Variants in STYX observed in about 807,000 individuals in gnomAD.
STYX encodes serine/threonine/tyrosine-interacting protein.
STYX carries 20 observed loss-of-function variants against 42.7 expected under a neutral mutation model. That is an observed-to-expected ratio of 0.47 (90% confidence interval 0.33 to 0.68). STYX has a LOEUF of 0.68. Ranked by LOEUF, STYX falls within the 30% of genes least tolerant of loss-of-function variation. The probability of loss-of-function intolerance (pLI) is 0.02; values close to 1 mark genes in which losing one functional copy is unlikely to be tolerated. For missense variants in STYX, 226 were observed against 268.5 expected (o/e 0.84, Z 1.11); for synonymous variants, 78 against 81.9 (o/e 0.95, Z 0.26).
At chr14:52,752,883 T>TG (rs1365970851) in intron 4 of STYX, among the ~76,000 whole-genome samples, 11 of 45,306 alleles carry the variant, frequency 2.4e-4, no homozygotes, top group African/African-American at 7.3e-4. Context: ...GTTGTTGTTG[T>TG]TTTTTTTTTT....
intron 9 of STYX, among the ~76,000 whole-genome samples, chr14:52,765,985 G>A (rs541325060): frequency 1.7e-4 from 26 of 152,138 alleles, no homozygotes; most frequent in Non-Finnish European, 2.6e-4. Context: ...CTTTATCAAG[G>A]TGTATCCTGG....
intron 4 of STYX, among the ~76,000 whole-genome samples, chr14:52,754,284 T>C (rs117598850): frequency 0.032 from 4,926 of 152,130 alleles, 118 homozygotes; most frequent in Non-Finnish European, 0.05. Context: ...ATGATTTCTG[T>C]TCATTGTAGC....
chr14:52,766,910 A>G (rs577889675), intron 9 of STYX, among the ~76,000 whole-genome samples: 76 of 150,702 alleles, frequency 5.0e-4, no homozygotes, highest in Non-Finnish European at 8.7e-4. Flanking sequence ...TTGTTTCATT[A>G]AATATTTATT....
At chr14:52,742,455 T>C (rs1389345824) in intron 1 of STYX, among the ~76,000 whole-genome samples, 1 of 152,034 alleles carries the variant, frequency 6.6e-6, no homozygotes, top group Non-Finnish European at 1.5e-5. Flanking sequence ...TGTACAGTGG[T>C]TTTACAAAAC....
chr14:52,771,954 C>T lies in STYX; in HGVS notation c.*848C>T, dbSNP rs1241767169. Reference sequence around the variant, plus strand: ...ATTTGTTCTTTTCAGAGTTGTCCAGCCCTTTTTTCCTTTGTCCAAAATGAT... The same window carrying T: ...ATTTGTTCTTTTCAGAGTTGTCCAGTCCTTTTTTCCTTTGTCCAAAATGAT... On this transcript the variant is annotated 3_prime_UTR_variant, in exon 11 of 11. Coordinates refer to ENST00000354586, the MANE Select transcript of STYX (RefSeq NM_145251.4). 6.6e-6 allele frequency: 1 copy of T among 152,370 alleles called. No homozygotes were observed. Among genetic ancestry groups the T allele is most frequent in the East Asian group, 1.9e-4 (1 of 5,202 alleles). 9.4% of individuals were successfully genotyped at this position (152,370 alleles called of 1,614,324 possible).
intron 6 of STYX, 61 bp downstream of exon 6, chr14:52,757,416 G>A: frequency 1.4e-6 from 2 of 1,444,068 alleles, no homozygotes; most frequent in South Asian, 2.4e-5. Context: ...TAATTTTTTA[G>A]TTGGTATTTG....
intron 3 of STYX, among the ~76,000 whole-genome samples, chr14:52,748,652 C>T (rs1451651696): frequency 3.9e-5 from 6 of 152,064 alleles, no homozygotes; most frequent in African/African-American, 7.2e-5. Context: ...TTCGCTGTTA[C>T]GTTAGGGCTC....
chr14:52,768,824 C>CTT lies in STYX; in HGVS notation c.505-15_505-14dup, dbSNP rs750717349. The CTT allele has an allele frequency of 2.8e-4, 356 of 1,286,194 alleles. No homozygotes were observed. The highest frequency in any genetic ancestry group is 6.6e-4 in the South Asian group (44 of 66,970). The allele number at this position is 1,286,194 out of a possible 1,614,324, so 79.7% of individuals were successfully genotyped here. A position where few individuals can be genotyped will look rare whatever the true frequency, so the allele number is the denominator to read the frequency against. On this transcript the variant is annotated splice_polypyrimidine_tract_variant and intron_variant, in intron 9 of 10. Transcript: ENST00000354586. ...GTAAATATATAATTAAGTTAATTAA[C>CTT]TTATTTTTTTTTTAGGAATATGAAG...
At chr14:52,749,505 G>T (rs781132492) in intron 3 of STYX, among the ~76,000 whole-genome samples, 186 of 152,166 alleles carry the variant, frequency 1.2e-3, no homozygotes, top group Non-Finnish European at 1.7e-3. Flanking sequence ...ATCGTGACTT[G>T]TTAGTTCATT....
At chr14:52,759,491 G>A (rs1257856534) in intron 8 of STYX, among the ~76,000 whole-genome samples, 191 bp from the exon 9 acceptor site, 2 of 152,112 alleles carry the variant, frequency 1.3e-5, no homozygotes, top group African/African-American at 4.8e-5. Context: ...TTTACCAATG[G>A]ACAAAATAGA....
intron 1 of STYX, among the ~76,000 whole-genome samples, chr14:52,732,467 G>A (rs547683720): frequency 6.6e-6 from 1 of 151,864 alleles, no homozygotes; most frequent in African/African-American, 2.4e-5. Context: ...TAGAGACGGG[G>A]TTTCACCATG....
intron 1 of STYX, among the ~76,000 whole-genome samples, chr14:52,740,159 C>A (rs980386690): frequency 1.3e-5 from 2 of 152,096 alleles, no homozygotes; most frequent in East Asian, 1.9e-4. Context: ...CGCTTGTAAT[C>A]CCAGCTACTC....
At chr14:52,765,898 GT>G (rs1177898829) in intron 9 of STYX, among the ~76,000 whole-genome samples, 3 of 152,190 alleles carry the variant, frequency 2.0e-5, no homozygotes, top group Non-Finnish European at 2.9e-5. Flanking sequence ...GTGTGGCCTG[GT>G]TCCTGACAGG....
chr14:52,761,592 G>A (rs1432921050), intron 9 of STYX, among the ~76,000 whole-genome samples: 1 of 107,142 alleles, frequency 9.3e-6, no homozygotes, highest in Non-Finnish European at 1.8e-5. Flanking sequence ...TTTTTGAGAT[G>A]GAGTCTTGCT....
intron 1 of STYX, among the ~76,000 whole-genome samples, chr14:52,737,900 C>G (rs188407884): frequency 1.3e-5 from 2 of 152,248 alleles, no homozygotes; most frequent in East Asian, 3.9e-4. Context: ...CTCAGCCTCC[C>G]GAGTAGCTGG....
chr14:52,734,017 C>T (rs1880841551), intron 1 of STYX, among the ~76,000 whole-genome samples: 1 of 152,250 alleles, frequency 6.6e-6, no homozygotes. Flanking sequence ...TGCAATTGGT[C>T]TGATTGGTTG....
chr14:52,739,632 CTTTTTTT>C (rs58454717), intron 1 of STYX, among the ~76,000 whole-genome samples: 16 of 65,730 alleles, frequency 2.4e-4, no homozygotes, highest in Non-Finnish European at 2.7e-4. Context: ...TCCTTTCTTT[CTTTTTTT>C]TTTTTTTTTT....
intron 9 of STYX, among the ~76,000 whole-genome samples, chr14:52,764,358 T>G (rs756945135): frequency 6.6e-6 from 1 of 152,214 alleles, no homozygotes; most frequent in Non-Finnish European, 1.5e-5. Flanking sequence ...TTCTGTTCGC[T>G]TGCTACCTTT....
chr14:52,738,195 G>A (rs1222227476), intron 1 of STYX, among the ~76,000 whole-genome samples: 1 of 152,216 alleles, frequency 6.6e-6, no homozygotes, highest in African/African-American at 2.4e-5. Flanking sequence ...GAACTTTTCT[G>A]TGAGAGAAAG....
Sources: gnomAD v4.1 joint callset for allele counts (sites outside exome capture counted in the v4.1 genomes callset) on GRCh38, gnomAD v4.1.1 for gene constraint, MANE v1.5 for transcripts, NCBI Gene and HGNC (gene_info 2026-07-23, HGNC 2026-07-21) for gene names.